The following DNM3 variants were observed in gnomAD, a reference collection of about 807,000 sequenced individuals.
The protein encoded by DNM3 is dynamin 3, also known as dynamin-3.
In DNM3, 47 loss-of-function variants were observed where a neutral mutation model predicts 101.6. That is an observed-to-expected ratio of 0.46 (90% CI 0.37 to 0.59). DNM3 has a LOEUF of 0.59. Ranked by LOEUF, DNM3 falls within the 20% of genes least tolerant of loss-of-function variation. DNM3 has a pLI of 0.00. For synonymous variants in DNM3, 385 were observed against 387.9 expected (o/e 0.99, Z 0.09); for missense variants, 849 against 1,085.7 (o/e 0.78, Z 3.06).
At position 171,921,134 on chromosome 1, in the gene DNM3, G is replaced by A. The variant is rs144837419; in HGVS notation, c.162-614G>A. ...TTTTTTTTCTTTTTTTTTTTGTAGC[G>A]CTGGGTTTTTGCTATGTTGTCCAGG... On this transcript the variant is annotated intron_variant, in intron 1 of 20. Coordinates refer to ENST00000627582, the MANE Select transcript of DNM3 (RefSeq NM_015569.5). 9.2e-3 allele frequency among the ~76,000 whole-genome samples: 1,353 copies of A among 147,440 alleles called. 21 individuals carry two copies. Among genetic ancestry groups the A allele is most frequent in the African/African-American group, 0.032 (1,277 of 40,148 alleles).
intron 16 of DNM3, among the ~76,000 whole-genome samples, chr1:172,315,059 C>A (rs980502765): frequency 2.2e-4 from 33 of 152,120 alleles, no homozygotes; most frequent in African/African-American, 7.7e-4. Context: ...GAGGAACAAT[C>A]AGACAGCAGC....
intron 14 of DNM3, among the ~76,000 whole-genome samples, chr1:172,195,451 A>G (rs2059912207): frequency 6.6e-6 from 1 of 151,862 alleles, no homozygotes; most frequent in Non-Finnish European, 1.5e-5. Context: ...TAGAATTTCC[A>G]ATATGATATT....
chr1:172,255,455 T>A (rs2062359338), intron 15 of DNM3, among the ~76,000 whole-genome samples: 1 of 151,986 alleles, frequency 6.6e-6, no homozygotes, highest in South Asian at 2.1e-4. Context: ...ATTGAATCCA[T>A]GGTCAACCTG....
chr1:172,065,417 G>A (rs1396388051), intron 10 of DNM3, among the ~76,000 whole-genome samples: 1 of 152,086 alleles, frequency 6.6e-6, no homozygotes, highest in Non-Finnish European at 1.5e-5. Context: ...ACCTAGGGCA[G>A]GCTAATGTTT....
At chr1:172,392,867 C>A (rs988951261) in intron 20 of DNM3, among the ~76,000 whole-genome samples, 3 of 152,102 alleles carry the variant, frequency 2.0e-5, no homozygotes, top group Non-Finnish European at 4.4e-5. Flanking sequence ...CTGAATCATT[C>A]GAAAGGATTT....
chr1:172,109,274 G>A (rs2055284715), intron 13 of DNM3, among the ~76,000 whole-genome samples: 2 of 152,110 alleles, frequency 1.3e-5, no homozygotes, highest in Admixed American at 1.3e-4. Flanking sequence ...CAGCAACTCT[G>A]TTCTTCCTGT....
chr1:172,177,402 A>G (rs1256959846), intron 14 of DNM3, among the ~76,000 whole-genome samples: 1 of 151,850 alleles, frequency 6.6e-6, no homozygotes, highest in Non-Finnish European at 1.5e-5. Flanking sequence ...CTATGTATGT[A>G]TGGGAAAAAA....
chr1:172,373,492 A>AT (rs1252855822), intron 17 of DNM3, among the ~76,000 whole-genome samples: 1 of 152,132 alleles, frequency 6.6e-6, no homozygotes, highest in Non-Finnish European at 1.5e-5. Flanking sequence ...AAAATTTAAA[A>AT]TAATACAGAA....
At chr1:172,030,231 A>G (rs1301588262) in intron 4 of DNM3, among the ~76,000 whole-genome samples, 2 of 152,174 alleles carry the variant, frequency 1.3e-5, no homozygotes, top group East Asian at 3.9e-4. Flanking sequence ...GAAACAGAAC[A>G]GAGGCCTCAG....
At chr1:171,853,764 A>C (rs893297711) in intron 1 of DNM3, among the ~76,000 whole-genome samples, 1 of 152,010 alleles carries the variant, frequency 6.6e-6, no homozygotes, top group Non-Finnish European at 1.5e-5. Flanking sequence ...TCCATTTCTT[A>C]TTCATCTATT....
At chr1:172,315,181 C>T (rs1348298559) in intron 16 of DNM3, among the ~76,000 whole-genome samples, 2 of 152,196 alleles carry the variant, frequency 1.3e-5, no homozygotes, top group African/African-American at 4.8e-5. Context: ...GCTGAGGGTC[C>T]TGTCTGTTAA....
intron 14 of DNM3, chr1:172,139,120 C>A: frequency 1.0e-5 from 3 of 294,198 alleles, no homozygotes; most frequent in Non-Finnish European, 2.0e-5. Flanking sequence ...GGATAATTTG[C>A]GTAACAGAAA....
At chr1:172,368,264 A>T (rs776783586) in intron 17 of DNM3, among the ~76,000 whole-genome samples, 1 of 151,910 alleles carries the variant, frequency 6.6e-6, no homozygotes, top group Non-Finnish European at 1.5e-5. Flanking sequence ...AATCAAAATC[A>T]TATGAAATAT....
At chr1:171,951,565 T>C (rs1229544677) in intron 2 of DNM3, among the ~76,000 whole-genome samples, 4 of 152,184 alleles carry the variant, frequency 2.6e-5, no homozygotes, top group Admixed American at 2.6e-4. Flanking sequence ...GACCATGCCT[T>C]ATTTATGTTG....
chr1:171,932,361 T>G (rs1004258313), intron 2 of DNM3, among the ~76,000 whole-genome samples: 1 of 151,692 alleles, frequency 6.6e-6, no homozygotes. Context: ...CTCAGGCTGG[T>G]CTTGAACTCC....
chr1:172,123,986 G>T (rs534913626), intron 13 of DNM3, among the ~76,000 whole-genome samples: 1 of 152,236 alleles, frequency 6.6e-6, no homozygotes, highest in Admixed American at 6.5e-5. Context: ...GTTCTGAGAG[G>T]GGTCAAAGCA....
intron 16 of DNM3, among the ~76,000 whole-genome samples, chr1:172,320,271 TAGCTAATGCTAAATGACGAG>T (rs2065638866): frequency 6.6e-6 from 1 of 151,390 alleles, no homozygotes; most frequent in African/African-American, 2.4e-5. Flanking sequence ...TTAGGAGATA[TAGCTAATGCTAAATGACGAG>T]TTAATGGGTG....
chr1:171,894,836 T>A (rs940103043), intron 1 of DNM3, among the ~76,000 whole-genome samples: 1 of 152,048 alleles, frequency 6.6e-6, no homozygotes, highest in African/African-American at 2.4e-5. Context: ...GAACATGCAG[T>A]GTTTGGTTTT....
chr1:172,413,090 T>C (rs1350793834), downstream of DNM3, among the ~76,000 whole-genome samples: 1 of 152,154 alleles, frequency 6.6e-6, no homozygotes, highest in African/African-American at 2.4e-5. Context: ...GGAGGAAAGA[T>C]GGTGTGCCCA....
Sources: gnomAD v4.1 joint callset for allele counts (sites outside exome capture counted in the v4.1 genomes callset) on GRCh38, gnomAD v4.1.1 for gene constraint, MANE v1.5 for transcripts, NCBI Gene and HGNC (gene_info 2026-07-23, HGNC 2026-07-21) for gene names.